The following ANK2 variants were observed in gnomAD, a reference collection of about 807,000 sequenced individuals.
ANK2 encodes ankyrin 2.
Under a neutral mutation model 360.5 loss-of-function variants are expected in ANK2, and 83 were observed. The ratio of observed to expected loss-of-function variants is 0.23; its 90% confidence interval spans 0.19 to 0.28. The LOEUF (loss-of-function observed/expected upper bound fraction) is 0.28, where lower values mean the gene tolerates loss of function less well. Among genes scored for constraint, ANK2 ranks in the 10% least tolerant of loss-of-function variants. ANK2 has a pLI of 1.00. For missense variants in ANK2, 4,201 were observed against 4,795.7 expected (o/e 0.88, Z 3.66); for synonymous variants, 1,740 against 1,759.5 (o/e 0.99, Z 0.28).
chr4:112,719,653 AG>A, the ANK2 span, among the ~76,000 whole-genome samples: 1 of 149,026 alleles, frequency 6.7e-6, no homozygotes, highest in Admixed American at 6.8e-5. Flanking sequence ...GCGTGAACCC[AG>A]GGGGCGGAGC....
intron 1 of ANK2, among the ~76,000 whole-genome samples, chr4:113,058,372 A>AAT: frequency 6.6e-6 from 1 of 152,142 alleles, no homozygotes; most frequent in Non-Finnish European, 1.5e-5. Flanking sequence ...TTAATGTAAT[A>AAT]ATATAATGGT....
intron 1 of ANK2, among the ~76,000 whole-genome samples, chr4:113,065,419 A>T (rs1033217842): frequency 6.6e-6 from 1 of 152,188 alleles, no homozygotes. Context: ...TGTGTGATTC[A>T]TACTAATTTC....
chr4:113,160,467 G>T (rs2097489185), intron 1 of ANK2: 1 of 250,846 alleles, frequency 4.0e-6, no homozygotes. Context: ...TTGAAACCAA[G>T]TGTTAAAATT....
At chr4:113,276,820 G>C (rs1010364925) in intron 15 of ANK2, among the ~76,000 whole-genome samples, 2 of 152,198 alleles carry the variant, frequency 1.3e-5, no homozygotes, top group East Asian at 3.8e-4. Flanking sequence ...CTGTGTTTAT[G>C]ATGGGGGCTT....
At chr4:113,216,271 T>C (rs910015953) in intron 4 of ANK2, among the ~76,000 whole-genome samples, 13 of 152,234 alleles carry the variant, frequency 8.5e-5, no homozygotes, top group Admixed American at 6.5e-4. Flanking sequence ...GAGGCCAAGC[T>C]ACAGAATACT....
chr4:113,353,841 A>G lies in ANK2; in HGVS notation c.5223A>G (p.Pro1741=). The G allele has an allele frequency of 6.2e-7, 1 of 1,614,024 alleles. No individual in the cohort carries two copies. Residue 1741 remains proline (P), a synonymous_variant, in exon 38 of 46, where the codon CCA becomes CCG. Coordinates refer to ENST00000357077, the MANE Select transcript of ANK2 (RefSeq NM_001148.6). The stretch of plus-strand genomic sequence containing the variant: ...CAGAAGAGTCATTAGGTGAAGACCC[A>G]GGTTTAGCCCCTGAACCCCTTCCCA... ...GSSEESLGED[P]GLAPEPLPTV...
chr4:113,327,780 T>A (rs1238175637), intron 26 of ANK2, among the ~76,000 whole-genome samples: 1 of 152,222 alleles, frequency 6.6e-6, no homozygotes, highest in Non-Finnish European at 1.5e-5. Context: ...CAGCAGCTGC[T>A]ATGTCTTTAC....
chr4:113,356,092 G>C lies in ANK2; in HGVS notation c.7474G>C (p.Ala2492Pro), dbSNP rs759193468. The C allele has an allele frequency of 6.2e-7, 1 of 1,614,108 alleles. No homozygotes were observed. The highest frequency in any genetic ancestry group is 1.3e-5 in the African/African-American group (1 of 75,050). ...TCCAAGTCACTTTCCTCTTCCTGCAGCTGTTGCCAAAACAGAACTCTTGAC... is the reference window on the plus strand; with the variant it reads ...TCCAAGTCACTTTCCTCTTCCTGCACCTGTTGCCAAAACAGAACTCTTGAC... ...IFPSHFPLPA[A>P]VAKTELLTEV... Residue 2492 changes from alanine to proline, a missense_variant, in exon 38 of 46, where the codon GCT becomes CCT. Transcript: ENST00000357077.
chr4:113,114,711 G>GT (rs377040662), intron 1 of ANK2, among the ~76,000 whole-genome samples: 8 of 151,888 alleles, frequency 5.3e-5, no homozygotes, highest in South Asian at 2.1e-4. Flanking sequence ...GAAATAAAAG[G>GT]TTTTTTTTGA....
chr4:113,211,414 A>C (rs1439353613), intron 4 of ANK2, among the ~76,000 whole-genome samples: 2 of 152,190 alleles, frequency 1.3e-5, no homozygotes, highest in Non-Finnish European at 2.9e-5. Context: ...AACATCATCT[A>C]AGATGGATGT....
chr4:113,040,569 T>C (rs1579750674), intron 2 of ANK2, among the ~76,000 whole-genome samples: 1 of 152,214 alleles, frequency 6.6e-6, no homozygotes. Context: ...ACTCCATATT[T>C]ACATCAGACA....
At chr4:112,785,499 G>C in the ANK2 span, among the ~76,000 whole-genome samples, 1 of 151,014 alleles carries the variant, frequency 6.6e-6, no homozygotes, top group South Asian at 2.1e-4. Context: ...TCAGCCTCTC[G>C]AGTAGCTGGG....
In ANK2 at chr4:113,356,342, A is replaced by C; in HGVS notation, c.7724A>C (p.Glu2575Ala). The C allele has an allele frequency of 6.2e-7, 1 of 1,614,196 alleles. No homozygotes were observed. The highest frequency in any genetic ancestry group is 8.5e-7 in the Non-Finnish European group (1 of 1,180,006). ...IHECAEEDDS[E>A]NGEKKRFTPE... ...GAATGTGCAGAGGAGGATGATTCAG[A>C]AAACGGGGAGAAAAAGAGGTTCACA... Residue 2575 changes from glutamate to alanine, a missense_variant, in exon 38 of 46, where the codon GAA becomes GCA. Around this residue, in one of 4 missense-constraint regions of ANK2, gnomAD observed 2,642 missense variants for 2,714.5 expected, o/e 0.97. Coordinates refer to ENST00000357077, the MANE Select transcript of ANK2 (RefSeq NM_001148.6).
intron 2 of ANK2, among the ~76,000 whole-genome samples, chr4:112,948,447 T>C: frequency 6.6e-6 from 1 of 152,144 alleles, no homozygotes. Flanking sequence ...TAATTAAAGC[T>C]GGGTGGGCCC....
intron 23 of ANK2, 147 bp from the exon 24 acceptor site, chr4:113,311,108 G>A: frequency 1.0e-6 from 1 of 954,812 alleles, no homozygotes; most frequent in South Asian, 1.4e-5. Flanking sequence ...CTGTATAGTT[G>A]TTTGCTGGTG....
At chr4:112,826,868 C>T in intron 1 of ANK2, 1 of 1,481,676 alleles carries the variant, frequency 6.7e-7, no homozygotes, top group Non-Finnish European at 9.4e-7. Flanking sequence ...AAGATGACAT[C>T]AATGATGTGA....
At chr4:113,067,879 G>A (rs548400285) in intron 1 of ANK2, among the ~76,000 whole-genome samples, 7 of 152,306 alleles carry the variant, frequency 4.6e-5, no homozygotes, top group African/African-American at 1.4e-4. Context: ...TGGCCAAGGT[G>A]AAAATAACTA....
intron 2 of ANK2, among the ~76,000 whole-genome samples, chr4:112,912,069 C>T (rs905397508): frequency 6.6e-6 from 1 of 150,568 alleles, no homozygotes; most frequent in Non-Finnish European, 1.5e-5. Context: ...CCCAGCTACT[C>T]GGGAGGCTGA....
chr4:112,731,879 A>G, the ANK2 span, among the ~76,000 whole-genome samples: 2 of 152,354 alleles, frequency 1.3e-5, no homozygotes, highest in South Asian at 4.1e-4. Flanking sequence ...ATTGCACACT[A>G]CAGCCTTCAA....
Sources: allele counts gnomAD v4.1 joint callset (sites outside exome capture counted in the v4.1 genomes callset), GRCh38; gene constraint gnomAD v4.1.1; regional missense constraint gnomAD v4.1.1; transcripts MANE v1.5; gene names NCBI Gene and HGNC (gene_info 2026-07-23, HGNC 2026-07-21).